Variants in SVEP1 observed in about 807,000 individuals in gnomAD.
SVEP1 encodes the protein sushi, von Willebrand factor type A, EGF and pentraxin domain-containing protein 1.
In SVEP1, 164 loss-of-function variants were observed where a neutral mutation model predicts 367.3. That is an observed-to-expected ratio of 0.45 (90% CI 0.39 to 0.51). The LOEUF is 0.51. Ranked by LOEUF, SVEP1 falls within the 20% of genes least tolerant of loss-of-function variation. The probability of loss-of-function intolerance (pLI) is 0.00; values close to 1 mark genes in which losing one functional copy is unlikely to be tolerated. For synonymous variants in SVEP1, 1,666 were observed against 1,611.6 expected (o/e 1.03, Z -0.81); for missense variants, 4,117 against 4,425.3 (o/e 0.93, Z 1.98).
At chr9:110,434,665 C>CAAAAAAAAAAAAAAAAAAA (rs1828404499) in intron 29 of SVEP1, among the ~76,000 whole-genome samples, 159 bp from the exon 30 acceptor site, 1 of 4,726 alleles carries the variant, frequency 2.1e-4, no homozygotes, top group African/African-American at 8.1e-4. Context: ...AGCAAAATCA[C>CAAAAAAAAAAAAAAAAAAA]TAAAAAAAAA....
At chr9:110,447,147 GA>G in intron 24 of SVEP1, 90 bp from the exon 25 acceptor site, 1 of 1,184,396 alleles carries the variant, frequency 8.4e-7, no homozygotes, top group Admixed American at 3.9e-5. Context: ...TTTGAAAATT[GA>G]AATGCTGGAA....
chr9:110,555,770 AAGGAT>A (rs933208100), intron 1 of SVEP1, among the ~76,000 whole-genome samples: 2 of 152,208 alleles, frequency 1.3e-5, no homozygotes, highest in African/African-American at 4.8e-5. Context: ...AATGCACTTT[AAGGAT>A]AGAGGAGGGG....
At chr9:110,528,378 C>A (rs1829973171) in intron 3 of SVEP1, among the ~76,000 whole-genome samples, 1 of 151,380 alleles carries the variant, frequency 6.6e-6, no homozygotes, top group South Asian at 2.1e-4. Flanking sequence ...TTTGATAAAT[C>A]TCCATACTGT....
chr9:110,387,167 A>T, intron 42 of SVEP1, 118 bp downstream of exon 42: 2 of 995,276 alleles, frequency 2.0e-6, no homozygotes, highest in Non-Finnish European at 2.8e-6. Context: ...GATAGGCATT[A>T]ATTGCTTTCT....
chr9:110,425,617 T>C (rs1179183945), intron 36 of SVEP1, among the ~76,000 whole-genome samples: 2 of 152,260 alleles, frequency 1.3e-5, no homozygotes, highest in Non-Finnish European at 2.9e-5. Context: ...TAAAAAATCC[T>C]CTTCAAATGA....
At chr9:110,460,109 CGTTA>C (rs1466700395) in intron 18 of SVEP1, among the ~76,000 whole-genome samples, 2 of 151,918 alleles carry the variant, frequency 1.3e-5, no homozygotes, top group East Asian at 1.9e-4. Flanking sequence ...GTAGTTTTAT[CGTTA>C]GTATTTTTAT....
At chr9:110,369,832 T>G in intron 47 of SVEP1, 91 bp downstream of exon 47, 1 of 1,021,198 alleles carries the variant, frequency 9.8e-7, no homozygotes. Context: ...ACAGTCAAAC[T>G]AGACAGAGAT....
At chr9:110,535,219 T>C (rs970559551) in intron 3 of SVEP1, among the ~76,000 whole-genome samples, 5 of 152,182 alleles carry the variant, frequency 3.3e-5, no homozygotes, top group African/African-American at 1.2e-4. Context: ...GGATTCTGTT[T>C]CAATCTTCTG....
chr9:110,444,552 C>T (rs140482074), intron 26 of SVEP1, among the ~76,000 whole-genome samples: 249 of 152,246 alleles, frequency 1.6e-3, no homozygotes, highest in African/African-American at 5.7e-3. Flanking sequence ...ATAATTGAAA[C>T]AACAAGGATG....
rs1829014477 is a variant in SVEP1, at chr9:110,471,369, A to G, written c.2993T>C (p.Met998Thr). 6.2e-7 allele frequency: 1 copy of G among 1,613,710 alleles called. No individual in the cohort carries two copies. Among genetic ancestry groups the G allele is most frequent in the Non-Finnish European group, 8.5e-7 (1 of 1,179,754 alleles). Residue 998 changes from methionine to threonine, a missense_variant, in exon 16 of 48, where the codon ATG (methionine) becomes ACG (threonine). Transcript: ENST00000374469. ...CRPGSVLRGR[M>T]CVNCPLGTYY... ...ATCACAGGGAACAGTCTTACCACAC[A>G]TACGCCCTCTCAGCACTGAGCCTGG...
chr9:110,393,477 A>G (rs1339691626), intron 40 of SVEP1, among the ~76,000 whole-genome samples: 1 of 152,164 alleles, frequency 6.6e-6, no homozygotes, highest in African/African-American at 2.4e-5. Flanking sequence ...CTGCATTTCC[A>G]ACTGAGGTAC....
chr9:110,512,876 G>C (rs1217645217), intron 5 of SVEP1, 50 bp downstream of exon 5: 1 of 1,603,272 alleles, frequency 6.2e-7, no homozygotes, highest in Admixed American at 1.7e-5. Flanking sequence ...TTAAATCAAG[G>C]AAATCAGGCA....
chr9:110,385,775 A>G, intron 43 of SVEP1, 123 bp downstream of exon 43: 1 of 1,018,242 alleles, frequency 9.8e-7, no homozygotes, highest in Non-Finnish European at 1.4e-6. Flanking sequence ...GAGGAAGATG[A>G]TAACTGTGAT....
intron 40 of SVEP1, among the ~76,000 whole-genome samples, chr9:110,396,745 G>GC (rs1337660336): frequency 6.3e-4 from 96 of 152,094 alleles, no homozygotes; most frequent in Admixed American, 2.5e-3. Flanking sequence ...AAATCTAGAA[G>GC]AAATGGATAA....
chr9:110,562,256 A>C (rs1010222203), intron 1 of SVEP1, among the ~76,000 whole-genome samples: 1 of 152,028 alleles, frequency 6.6e-6, no homozygotes, highest in Non-Finnish European at 1.5e-5. Flanking sequence ...AAGTCATCAG[A>C]ATCCAAATGA....
intron 13 of SVEP1, among the ~76,000 whole-genome samples, chr9:110,477,720 T>G (rs1829118648): frequency 6.6e-6 from 1 of 152,072 alleles, no homozygotes. Flanking sequence ...TCCCACAATC[T>G]ACTTCCAATG....
At chr9:110,540,554 G>T (rs536478125) in intron 3 of SVEP1, among the ~76,000 whole-genome samples, 238 of 152,110 alleles carry the variant, frequency 1.6e-3, no homozygotes, top group African/African-American at 5.5e-3. Context: ...TCCATTTCTG[G>T]TTTCTTAAGG....
In SVEP1 at chr9:110,469,210, G is replaced by A. The variant is rs186557187; in HGVS notation, c.2999-109C>T. ...ATAAAGCATGCTTGAAGGTGCTATTGTTTATGGGTTAAATTTTATGGCCAG... is the reference window on the plus strand; with the variant it reads ...ATAAAGCATGCTTGAAGGTGCTATTATTTATGGGTTAAATTTTATGGCCAG... On this transcript the variant is annotated intron_variant, in intron 16 of 47. Coordinates refer to ENST00000374469, the MANE Select transcript of SVEP1 (RefSeq NM_153366.4). The A allele has an allele frequency of 4.1e-5, 47 of 1,138,574 alleles. No homozygotes were observed. In the African/African-American group the frequency reaches 7.0e-4, roughly 17 times the overall value. The allele number at this position is 1,138,574 out of a possible 1,614,324, so 70.5% of individuals were successfully genotyped here. A position where few individuals can be genotyped will look rare whatever the true frequency, so the allele number is the denominator to read the frequency against.
In SVEP1 at chr9:110,501,398, A is replaced by G. The variant is rs533933669; in HGVS notation, c.1483+1640T>C. 4.1e-5 allele frequency among the ~76,000 whole-genome samples: 5 copies of G among 122,566 alleles called. No homozygotes were observed. In the Admixed American group the frequency reaches 4.2e-4, roughly 10 times the overall value. The allele number at this position is 122,566 out of a possible 152,430, so 80.4% of individuals were successfully genotyped here. A position where few individuals can be genotyped will look rare whatever the true frequency, so the allele number is the denominator to read the frequency against. ...GTTCTGTTTATCATTGTATATAGAA[A>G]AGCTGTCTATTTTTCTTTATTTTTT... On this transcript the variant is annotated intron_variant, in intron 6 of 47. Coordinates refer to ENST00000374469, the MANE Select transcript of SVEP1 (RefSeq NM_153366.4).
Sources: allele counts gnomAD v4.1 joint callset (sites outside exome capture counted in the v4.1 genomes callset), GRCh38; gene constraint gnomAD v4.1.1; transcripts MANE v1.5; gene names NCBI Gene and HGNC (gene_info 2026-07-23, HGNC 2026-07-21).